TLE2: variants seen among roughly 807,000 people sequenced by gnomAD.
TLE2 encodes transducin-like enhancer protein 2.
A neutral mutation model predicts 97.2 loss-of-function variants in TLE2; 74 were observed. That is an observed-to-expected ratio of 0.76 (90% CI 0.63 to 0.92). TLE2 has a LOEUF of 0.92. Among genes scored for constraint, TLE2 ranks in the 40% least tolerant of loss-of-function variants. The probability of loss-of-function intolerance (pLI) is 0.00; values close to 1 mark genes in which losing one functional copy is unlikely to be tolerated. For synonymous variants in TLE2, 499 were observed against 432.1 expected (o/e 1.15, Z -1.92); for missense variants, 1,038 against 1,008.7 (o/e 1.03, Z -0.39).
rs1282867913 is a variant in TLE2, at chr19:3,009,626, T to TC, written c.1088dup (p.Asp364ArgfsTer32). 9 of 1,613,274 alleles carry TC rather than the reference T, an allele frequency of 5.6e-6. No homozygotes were observed. The highest frequency in any genetic ancestry group is 7.6e-6 in the Non-Finnish European group (9 of 1,179,624). ...CGTAGGAGCTGGGCACGGAGAGGTC[T>TC]CCGTTGAGAGTGCTGTGGGAGCCCA... is the stretch of plus-strand genomic sequence containing the variant. On this transcript the variant is annotated frameshift_variant, in exon 13 of 20. Transcript: ENST00000262953. LOFTEE classifies it high-confidence loss of function.
chr19:3,022,825 G>A (rs1446464923), intron 5 of TLE2, among the ~76,000 whole-genome samples: 4 of 152,038 alleles, frequency 2.6e-5, no homozygotes, highest in East Asian at 1.9e-4. Context: ...GGGCCAGAGA[G>A]TGAAAACATT....
Position 3,006,599 on chromosome 19 carries a change from C to A in TLE2, c.1321G>T (p.Gly441Cys), listed in dbSNP as rs990549276. The A allele has an allele frequency of 6.2e-7, 1 of 1,609,656 alleles. No individual in the cohort carries two copies. The highest frequency in any genetic ancestry group is 1.3e-5 in the African/African-American group (1 of 74,846). The stretch of plus-strand genomic sequence containing the variant: ...CGGGCGTGCCGCGGGATGCCCGCGC[C>A]TACCAGTGCATCCGAGGGGAAGGGA... ...PVPFPSDALV[G>C]AGIPRHARQL... Residue 441 changes from glycine (G) to cysteine (C), a missense_variant, in exon 15 of 20, where the codon GGC becomes TGC. Physicochemically the swap from Gly to Cys is radical, Grantham distance 159 (BLOSUM62 -3). Coordinates refer to ENST00000262953, the MANE Select transcript of TLE2 (RefSeq NM_003260.5).
rs753524408 is a variant in TLE2, at chr19:3,015,746, C to T, written c.585G>A (p.Ser195=). 1.4e-5 allele frequency: 22 copies of T among 1,609,002 alleles called. No homozygotes were observed. Among genetic ancestry groups the T allele is most frequent in the Middle Eastern group, 1.7e-4 (1 of 6,060 alleles). The part of the protein sequence containing the change: ...ERAPSRSASP[S]PPESLVEEER... The stretch of plus-strand genomic sequence containing the variant: ...CCTCCTCCACGAGACTCTCAGGGGG[C>T]GAGGGAGATGCACTCTGCGGAGAGA... Residue 195 remains serine (S), a synonymous_variant, in exon 9 of 20, where the codon TCG becomes TCA. Transcript: ENST00000262953.
intron 15 of TLE2, 149 bp from the exon 16 acceptor site, chr19:3,006,117 C>A (rs774528805): frequency 9.5e-7 from 1 of 1,050,516 alleles, no homozygotes; most frequent in East Asian, 2.4e-5. Flanking sequence ...GAGCCCCGCC[C>A]CTTTGACCTG....
chr19:3,036,918 G>A (rs1404863613), intron 1 of TLE2, among the ~76,000 whole-genome samples: 1 of 152,164 alleles, frequency 6.6e-6, no homozygotes, highest in Non-Finnish European at 1.5e-5. Flanking sequence ...GGGAGTGGGG[G>A]CAGGCTCAGC....
At chr19:3,000,818 C>G in intron 18 of TLE2, 95 bp from the exon 19 acceptor site, 1 of 803,978 alleles carries the variant, frequency 1.2e-6, no homozygotes, top group Non-Finnish European at 1.9e-6. Flanking sequence ...TGGGTCTGGC[C>G]TCTCCCTTTT....
rs374904106 is a variant in TLE2, at chr19:3,014,573, G to A, written c.720C>T (p.Asp240=). 2.1e-5 allele frequency: 33 copies of A among 1,589,422 alleles called. No homozygotes were observed. The highest frequency in any genetic ancestry group is 4.7e-5 in the East Asian group (2 of 42,840). Residue 240 remains aspartate (D), a synonymous_variant, in exon 10 of 20, where the codon GAC becomes GAT. Transcript: ENST00000262953. ...GAGGCTGGACCCCTGGACTCACCTC[G>A]TCCACCACCAGATTGTAATCACTCT... is the stretch of plus-strand genomic sequence containing the variant. ...EDKSDYNLVV[D]EDQPSEPPSP...
intron 1 of TLE2, among the ~76,000 whole-genome samples, chr19:3,041,286 C>T (rs2090101576): frequency 1.3e-5 from 2 of 151,902 alleles, no homozygotes; most frequent in African/African-American, 2.4e-5. Context: ...CTCAGCCTCC[C>T]AAAGTGCTGG....
intron 7 of TLE2, among the ~76,000 whole-genome samples, chr19:3,018,760 A>G (rs971634044): frequency 4.0e-5 from 6 of 151,612 alleles, no homozygotes; most frequent in Non-Finnish European, 8.8e-5. Flanking sequence ...GATTACAGGC[A>G]CCCGCCACCA....
chr19:3,029,034 G>A lies in TLE2; in HGVS notation c.-130C>T. On this transcript the variant is annotated 5_prime_UTR_variant, in exon 1 of 20. Transcript: ENST00000262953. ...AAGAGGGAGGAGGGAGAAGCGGCGC[G>A]GGGCAAGGGACCCTGGAGTCCCTGG... 6.8e-7 allele frequency: 1 copy of A among 1,480,758 alleles called. No individual in the cohort carries two copies. Among genetic ancestry groups the A allele is most frequent in the Non-Finnish European group, 9.0e-7 (1 of 1,116,690 alleles). 91.7% of individuals were successfully genotyped at this position (1,480,758 alleles called of 1,614,324 possible).
Position 2,998,126 on chromosome 19 carries a change from A to C in TLE2, c.2125-171T>G, listed in dbSNP as rs2089258016. On this transcript the variant is annotated intron_variant, in intron 19 of 19. Transcript: ENST00000262953. ...GTTCTTGTCGCCCAGGCTGAAGTGC[A>C]GTGGTGCGATCTTGGCTCACTGCAA... Among the ~76,000 whole-genome samples the C allele has an allele frequency of 2.0e-5, 3 of 151,938 alleles. No homozygotes were observed. The South Asian group carries it at 6.2e-4, about 32-fold the overall frequency.
At chr19:3,032,120 G>C (rs911955644), upstream of TLE2, among the ~76,000 whole-genome samples, 1 of 151,926 alleles carries the variant, frequency 6.6e-6, no homozygotes, top group Non-Finnish European at 1.5e-5. The surrounding 1 kb of genome is among the most constrained non-coding windows in gnomAD (Gnocchi z 4.1). Flanking sequence ...TATTAGTAGA[G>C]ACGGATTCAC....
At position 3,029,172 on chromosome 19, in the gene TLE2, G is replaced by T. The variant is rs2089997200; in HGVS notation, c.-268C>A. The stretch of plus-strand genomic sequence containing the variant: ...GCCGGGGCGGGAGCGCGGCGAGGGC[G>T]GCCGCGGCAGCCGGCGCAGAAGGTC... On this transcript the variant is annotated 5_prime_UTR_variant, in exon 1 of 20. Coordinates refer to ENST00000262953, the MANE Select transcript of TLE2 (RefSeq NM_003260.5). 1.8e-5 allele frequency: 14 copies of T among 785,726 alleles called. No homozygotes were observed. Among genetic ancestry groups the T allele is most frequent in the Non-Finnish European group, 2.0e-5 (13 of 649,976 alleles). 48.7% of individuals were successfully genotyped at this position (785,726 alleles called of 1,614,324 possible).
In TLE2 at chr19:3,029,088, C is replaced by T; in HGVS notation, c.-184G>A. ...GCCCCCAAGCGCGCGCGCCCGGGGT[C>T]GTGGGAGCCCCTCCCCGGGTTGGGG... is the stretch of plus-strand genomic sequence containing the variant. On this transcript the variant is annotated 5_prime_UTR_variant, in exon 1 of 20. Coordinates refer to ENST00000262953, the MANE Select transcript of TLE2 (RefSeq NM_003260.5). 3 of 1,253,808 alleles carry T rather than the reference C, an allele frequency of 2.4e-6. No individual in the cohort carries two copies. Among genetic ancestry groups the T allele is most frequent in the African/African-American group, 3.1e-5 (2 of 63,666 alleles). The allele number at this position is 1,253,808 out of a possible 1,614,324, so 77.7% of individuals were successfully genotyped here. A position where few individuals can be genotyped will look rare whatever the true frequency, so the allele number is the denominator to read the frequency against.
chr19:3,012,866 C>T (rs2089625574), intron 11 of TLE2, among the ~76,000 whole-genome samples: 2 of 152,206 alleles, frequency 1.3e-5, no homozygotes, highest in Admixed American at 6.5e-5. Flanking sequence ...CACGCAACAC[C>T]GGCACCCGCG....
intron 11 of TLE2, among the ~76,000 whole-genome samples, chr19:3,012,406 A>C (rs2089615998): frequency 6.6e-6 from 1 of 152,152 alleles, no homozygotes; most frequent in African/African-American, 2.4e-5. Flanking sequence ...TCATAGAGAC[A>C]AGGTCTCACT....
At position 3,002,417 on chromosome 19, in the gene TLE2, C is replaced by T. The variant is rs1008688721; in HGVS notation, c.1983G>A (p.Lys661=). Residue 661 remains lysine (K), a synonymous_variant, in exon 18 of 20, where the codon AAG becomes AAA. Coordinates refer to ENST00000262953, the MANE Select transcript of TLE2 (RefSeq NM_003260.5). ...GGAGGTGCAGCTGGTATTTCTCCGGCTTGCGGACGTGCAGGATCTCCACGT... is the reference window on the plus strand; with the variant it reads ...GGAGGTGCAGCTGGTATTTCTCCGGTTTGCGGACGTGCAGGATCTCCACGT... ...SSNVEILHVR[K]PEKYQLHLHE... is the part of the protein sequence containing the mutation. 5 of 1,613,544 alleles carry T rather than the reference C, an allele frequency of 3.1e-6. No individual in the cohort carries two copies. The highest frequency in any genetic ancestry group is 1.7e-4 in the Middle Eastern group (1 of 6,052).
intron 17 of TLE2, among the ~76,000 whole-genome samples, chr19:3,003,926 C>T (rs559223136): frequency 5.3e-5 from 8 of 152,186 alleles, no homozygotes; most frequent in South Asian, 4.1e-4. Context: ...AGGCTGGTCT[C>T]GAACTCCTGA....
At chr19:3,033,719 G>A (rs370479695), upstream of TLE2, among the ~76,000 whole-genome samples, 18 of 152,120 alleles carry the variant, frequency 1.2e-4, no homozygotes, top group East Asian at 1.9e-3. Context: ...CTGTCCGGGC[G>A]GCCCTCTTCC....
Sources: gnomAD v4.1 joint callset for allele counts (sites outside exome capture counted in the v4.1 genomes callset) on GRCh38, gnomAD v4.1.1 for gene constraint, Gnocchi (gnomAD v3.1) non-coding constraint, MANE v1.5 for transcripts, NCBI Gene and HGNC (gene_info 2026-07-23, HGNC 2026-07-21) for gene names.